KCNG4: variants seen among roughly 807,000 people sequenced by gnomAD.
KCNG4 encodes the protein voltage-gated potassium channel regulatory subunit KCNG4.
In KCNG4, 30 loss-of-function variants were observed where a neutral mutation model predicts 28.2. That is an observed-to-expected ratio of 1.06 (90% confidence interval 0.80 to 1.44). The LOEUF (loss-of-function observed/expected upper bound fraction) is 1.44, where lower values mean the gene tolerates loss of function less well. Ranked by LOEUF, KCNG4 falls within the 40% of genes most tolerant of loss-of-function variation. KCNG4 has a pLI of 0.00. For missense variants in KCNG4, 879 were observed against 712.3 expected, an observed-to-expected ratio of 1.23 and a Z score of -2.66; for synonymous variants, 375 against 315.5, an observed-to-expected ratio of 1.19 and a Z score of -2.00.
rs781250021 is a variant in KCNG4, at chr16:84,222,688, G to T, written c.1089C>A (p.Thr363=). The T allele has an allele frequency of 5.0e-6, 8 of 1,612,962 alleles. No homozygotes were observed. The highest frequency in any genetic ancestry group is 1.3e-5 in the African/African-American group (1 of 74,924). Residue 363 remains threonine, a synonymous_variant, in exon 3 of 3, where the codon ACC becomes ACA. Transcript: ENST00000308251. ...HSLGLQTLGL[T]VRRCTREFGL... is the part of the protein sequence containing the mutation. Reference sequence around the variant, plus strand: ...CGAACTCACGTGTGCAACGGCGCACGGTGAGCCCCAGCGTCTGCAGCCCCA... The same window carrying T: ...CGAACTCACGTGTGCAACGGCGCACTGTGAGCCCCAGCGTCTGCAGCCCCA...
chr16:84,239,427 C>T (rs1199524596), intron 1 of KCNG4, among the ~76,000 whole-genome samples: 1 of 152,248 alleles, frequency 6.6e-6, no homozygotes, highest in African/African-American at 2.4e-5. Context: ...CAACCCAGCA[C>T]TCTGTCCCCC....
chr16:84,220,723 C>T lies in KCNG4; in HGVS notation c.*1494G>A, dbSNP rs960878286. The T allele has an allele frequency of 6.6e-6, 1 of 152,254 alleles. No individual in the cohort carries two copies. Among genetic ancestry groups the T allele is most frequent in the African/African-American group, 2.4e-5 (1 of 41,438 alleles). The allele number at this position is 152,254 out of a possible 1,614,324, so 9.4% of individuals were successfully genotyped here. Reference sequence around the variant, plus strand: ...CTGGGGAAGTGCCATCAGGATGTCTCCAAGGTGTGTCCTGCTGGGAGAAGC... The same window carrying T: ...CTGGGGAAGTGCCATCAGGATGTCTTCAAGGTGTGTCCTGCTGGGAGAAGC... On this transcript the variant is annotated 3_prime_UTR_variant, in exon 3 of 3. Transcript: ENST00000308251.
chr16:84,227,781 C>T (rs1904730859), intron 2 of KCNG4, among the ~76,000 whole-genome samples: 1 of 152,152 alleles, frequency 6.6e-6, no homozygotes, highest in Admixed American at 6.5e-5. Context: ...AACATGGATG[C>T]ACCCTGAAAA....
intron 2 of KCNG4, among the ~76,000 whole-genome samples, chr16:84,227,299 G>A (rs779274942): frequency 2.0e-5 from 3 of 152,202 alleles, no homozygotes; most frequent in African/African-American, 2.4e-5. Flanking sequence ...TACACAGGCC[G>A]GGTGTGGTGG....
At position 84,237,303 on chromosome 16, in the gene KCNG4, G is replaced by A. The variant is rs752727603; in HGVS notation, c.183C>T (p.Ile61=). ...ACCTCCTGCCCCCCACGTTGATCAG[G>A]ATCTCCTTCTTCAGGTCCACTGGGG... The part of the protein sequence containing the change: ...DASPVDLKKE[I]LINVGGRRYL... Residue 61 remains isoleucine (I), a synonymous_variant, in exon 2 of 3, where the codon ATC becomes ATT. Transcript: ENST00000308251. 6.3e-7 allele frequency: 1 copy of A among 1,597,764 alleles called. No homozygotes were observed. Among genetic ancestry groups the A allele is most frequent in the Non-Finnish European group, 8.5e-7 (1 of 1,170,844 alleles).
In KCNG4 at chr16:84,222,938, C is replaced by A; in HGVS notation, c.839G>T (p.Arg280Leu). 2 of 1,594,944 alleles carry A rather than the reference C, an allele frequency of 1.3e-6. No homozygotes were observed. The highest frequency in any genetic ancestry group is 2.3e-5 in the South Asian group (2 of 88,534). ...ACACTTGTCTTGGGCCTGGACAAAC[C>A]GCAGGCAGAACTCCAGGGAGAACCA... ...VAWFSLEFCL[R>L]FVQAQDKCQF... The change falls in exon 3 of 3, where the codon CGG becomes CTG. Residue 280 changes from arginine to leucine, a missense_variant. Physicochemically the swap from Arg to Leu is moderately radical, Grantham distance 102 (BLOSUM62 -2). Coordinates refer to ENST00000308251, the MANE Select transcript of KCNG4 (RefSeq NM_172347.3).
chr16:84,237,354 C>T lies in KCNG4; in HGVS notation c.132G>A (p.Val44=). 8.9e-6 allele frequency: 14 copies of T among 1,566,608 alleles called. No homozygotes were observed. The highest frequency in any genetic ancestry group is 1.2e-5 in the Non-Finnish European group (14 of 1,157,022). Residue 44 remains valine, a synonymous_variant, in exon 2 of 3, where the codon GTG becomes GTA. Coordinates refer to ENST00000308251, the MANE Select transcript of KCNG4 (RefSeq NM_172347.3). ...AGGCGTCCAGGGCACCCACCTTCCG[C>T]ACCCTCCGGTAGTAAAGGCCCTTGA... ...PSIKGLYYRR[V]RKVGALDASP... is the part of the protein sequence containing the mutation.
intron 2 of KCNG4, among the ~76,000 whole-genome samples, chr16:84,225,767 G>C (rs1904683049): frequency 6.6e-6 from 1 of 152,216 alleles, no homozygotes; most frequent in Admixed American, 6.5e-5. Flanking sequence ...ACCGGCTCCT[G>C]CCCTCCCACG....
At position 84,237,122 on chromosome 16, in the gene KCNG4, C is replaced by T. The variant is rs150663937; in HGVS notation, c.364G>A (p.Val122Met). The change falls in exon 2 of 3, where the codon GTG (valine) becomes ATG (methionine). Residue 122 changes from valine to methionine, a missense_variant. Coordinates refer to ENST00000308251, the MANE Select transcript of KCNG4 (RefSeq NM_172347.3). ...FFDRSPSAFGVIVSFLAAGKL... is the reference protein window; with the variant it reads ...FFDRSPSAFGMIVSFLAAGKL... ...CCGGCCGCCAGGAAGCTCACGATCA[C>T]CCCGAAGGCGCTGGGGCTCCTGTCG... is the stretch of plus-strand genomic sequence containing the variant. 2.0e-4 allele frequency: 323 copies of T among 1,614,152 alleles called. No homozygotes were observed. Among genetic ancestry groups the T allele is most frequent in the Non-Finnish European group, 2.6e-4 (304 of 1,180,038 alleles).
At chr16:84,230,895 T>C (rs1904812843) in intron 2 of KCNG4, among the ~76,000 whole-genome samples, 1 of 152,224 alleles carries the variant, frequency 6.6e-6, no homozygotes, top group Non-Finnish European at 1.5e-5. Context: ...GTTCGCCTGC[T>C]TCTCCCACCG....
chr16:84,230,455 G>A (rs1456129542), intron 2 of KCNG4, among the ~76,000 whole-genome samples: 2 of 137,050 alleles, frequency 1.5e-5, no homozygotes, highest in South Asian at 2.4e-4. Flanking sequence ...GCCTGTAGTC[G>A]CAGCTACTCA....
In KCNG4 at chr16:84,222,513, C is replaced by A; in HGVS notation, c.1264G>T (p.Gly422Trp). Residue 422 changes from glycine (G) to tryptophan (W), a missense_variant, in exon 3 of 3, where the codon GGG becomes TGG. Coordinates refer to ENST00000308251, the MANE Select transcript of KCNG4 (RefSeq NM_172347.3). ...AIISMTTVGY[G>W]DMVPRSVPGQ... ...GGCACACTGCGGGGCACCATGTCCC[C>A]GTAGCCCACCGTTGTCATGGAGATG... is the stretch of plus-strand genomic sequence containing the variant. 6.2e-7 allele frequency: 1 copy of A among 1,613,408 alleles called. No individual in the cohort carries two copies. Among genetic ancestry groups the A allele is most frequent in the Non-Finnish European group, 8.5e-7 (1 of 1,179,774 alleles).
At chr16:84,223,518 C>T (rs1904628829) in intron 2 of KCNG4, among the ~76,000 whole-genome samples, 2 of 152,128 alleles carry the variant, frequency 1.3e-5, no homozygotes, top group Admixed American at 1.3e-4. Context: ...AGTTTGGGGT[C>T]TCTTTGTTAT....
At chr16:84,233,972 A>C (rs1567626596) in intron 2 of KCNG4, among the ~76,000 whole-genome samples, 1 of 152,116 alleles carries the variant, frequency 6.6e-6, no homozygotes, top group Admixed American at 6.6e-5. Context: ...AGTGGTATTC[A>C]CTTCCCTATG....
At chr16:84,233,065 C>T (rs373841515) in intron 2 of KCNG4, among the ~76,000 whole-genome samples, 7 of 151,722 alleles carry the variant, frequency 4.6e-5, no homozygotes, top group African/African-American at 1.7e-4. Flanking sequence ...TTAACTACTA[C>T]TGAATGAATG....
chr16:84,223,635 C>A (rs1904630811), intron 2 of KCNG4, among the ~76,000 whole-genome samples: 1 of 152,102 alleles, frequency 6.6e-6, no homozygotes. Flanking sequence ...GCAGTGTGAC[C>A]CCATTTGATG....
intron 2 of KCNG4, among the ~76,000 whole-genome samples, chr16:84,227,770 C>T (rs1008222251): frequency 6.6e-6 from 1 of 152,128 alleles, no homozygotes; most frequent in Non-Finnish European, 1.5e-5. Context: ...AATCGTGCTA[C>T]AACATGGATG....
At position 84,226,642 on chromosome 16, in the gene KCNG4, G is replaced by A. The variant is rs1904704100; in HGVS notation, c.757-3622C>T. ...GCCTGTAATCCCAGCACTTTGGGAG[G>A]GCAAGGTGGGTGGATCACCTGAGGT... On this transcript the variant is annotated intron_variant, in intron 2 of 2. Coordinates refer to ENST00000308251, the MANE Select transcript of KCNG4 (RefSeq NM_172347.3). The surrounding 1 kb of genome is among the most constrained non-coding windows in gnomAD (Gnocchi z 4.1). 6.6e-6 allele frequency among the ~76,000 whole-genome samples: 1 copy of A among 151,638 alleles called. No individual in the cohort carries two copies. Among genetic ancestry groups the A allele is most frequent in the Admixed American group, 6.6e-5 (1 of 15,200 alleles).
chr16:84,236,427 G>C, intron 2 of KCNG4: 1 of 454,612 alleles, frequency 2.2e-6, no homozygotes, highest in Non-Finnish European at 3.9e-6. Flanking sequence ...ACTCGGGAGA[G>C]CTGGGAGAGG....
Sources: gnomAD v4.1 joint callset for allele counts (sites outside exome capture counted in the v4.1 genomes callset) on GRCh38, gnomAD v4.1.1 for gene constraint, Gnocchi (gnomAD v3.1) non-coding constraint, MANE v1.5 for transcripts, NCBI Gene and HGNC (gene_info 2026-07-23, HGNC 2026-07-21) for gene names.